Variants in ATP5MJ observed in about 807,000 individuals in gnomAD.
ATP5MJ encodes the protein ATP synthase membrane subunit j.
ATP5MJ carries 4 observed loss-of-function variants against 8.3 expected under a neutral mutation model. That is an observed-to-expected ratio of 0.48 (90% CI 0.24 to 1.11). ATP5MJ has a LOEUF of 1.11. Among genes scored for constraint, ATP5MJ ranks in the 50% least tolerant of loss-of-function variants. The pLI is 0.18. For missense variants in ATP5MJ, 66 were observed against 71.8 expected (o/e 0.92, Z 0.29); for synonymous variants, 23 against 21.3 (o/e 1.08, Z -0.23).
At chr14:103,920,982 C>T in intron 1 of ATP5MJ, 1 of 1,551,738 alleles carries the variant, frequency 6.4e-7, no homozygotes, top group Non-Finnish European at 8.7e-7. Context: ...GAGTTCCATA[C>T]AATTTCATTC....
rs979007416 is a variant in ATP5MJ at position 103,912,604 on chromosome 14, G to A, written c.*62C>T. ...ACGTTCCACGCTCCCCATCTAACAC[G>A]GCTTGCTGAAATTTACAGGCAGACT... On this transcript the variant is annotated 3_prime_UTR_variant, in exon 4 of 4. Transcript: ENST00000286953. 3.2e-6 allele frequency: 5 copies of A among 1,548,394 alleles called. No individual in the cohort carries two copies. The highest frequency in any genetic ancestry group is 1.4e-5 in the African/African-American group (1 of 73,136).
In ATP5MJ at chr14:103,913,664, T is replaced by C. The variant is rs1415331984; in HGVS notation, c.148+297A>G. On this transcript the variant is annotated intron_variant, in intron 3 of 3. Coordinates refer to ENST00000286953, the MANE Select transcript of ATP5MJ (RefSeq NM_004894.3). ...TCATTAGGGAACTTCTAGGACAGCA[T>C]GCTTGCACAGCTCACTTGTGCTTCC... 1.1e-5 allele frequency: 6 copies of C among 527,112 alleles called. No individual in the cohort carries two copies. The South Asian group carries it at 1.3e-4, about 11-fold the overall frequency. 32.7% of individuals were successfully genotyped at this position (527,112 alleles called of 1,614,324 possible). A position where few individuals can be genotyped will look rare whatever the true frequency, so the allele number is the denominator to read the frequency against.
chr14:103,913,877 A>C (rs747866991), intron 3 of ATP5MJ, 84 bp downstream of exon 3: 1 of 1,494,424 alleles, frequency 6.7e-7, no homozygotes, highest in Non-Finnish European at 9.3e-7. Flanking sequence ...TTTCGATTTC[A>C]ATTGAGAACA....
intron 3 of ATP5MJ, chr14:103,912,897 T>C: frequency 3.4e-6 from 2 of 583,632 alleles, no homozygotes; most frequent in South Asian, 4.4e-5. Context: ...AGACAGGCAG[T>C]GGTCACCCAC....
chr14:103,921,308 C>A (rs78104841), intron 1 of ATP5MJ, 162 bp downstream of exon 1: 45 of 339,210 alleles, frequency 1.3e-4, no homozygotes, highest in Non-Finnish European at 2.5e-4. Flanking sequence ...GGCAACCGAC[C>A]CTGGCCTACC....
At chr14:103,920,426 C>A (rs2087666989) in intron 1 of ATP5MJ, among the ~76,000 whole-genome samples, 1 of 150,388 alleles carries the variant, frequency 6.6e-6, no homozygotes, top group South Asian at 2.1e-4. Flanking sequence ...GCCACCGCGC[C>A]CAGCTACATA....
At chr14:103,912,769 A>C in intron 3 of ATP5MJ, 75 bp from the exon 4 acceptor site, 1 of 1,458,478 alleles carries the variant, frequency 6.9e-7, no homozygotes, top group South Asian at 1.2e-5. Flanking sequence ...TTAAACAAGT[A>C]TCAAAAGAAG....
intron 1 of ATP5MJ, among the ~76,000 whole-genome samples, chr14:103,917,547 G>A (rs968414236): frequency 6.6e-6 from 1 of 151,998 alleles, no homozygotes; most frequent in African/African-American, 2.4e-5. Flanking sequence ...GGCCTGGATG[G>A]GATTCGAGGG....
At chr14:103,920,895 A>T in intron 1 of ATP5MJ, 1 of 1,380,664 alleles carries the variant, frequency 7.2e-7, no homozygotes, top group Non-Finnish European at 1.0e-6. Context: ...GTATCCACTT[A>T]AGTCTGCAAA....
chr14:103,918,745 G>A (rs907872986), intron 1 of ATP5MJ, among the ~76,000 whole-genome samples: 3 of 152,130 alleles, frequency 2.0e-5, no homozygotes, highest in African/African-American at 7.2e-5. Flanking sequence ...AACCAAGGCC[G>A]GGAGCGGTAG....
In ATP5MJ at chr14:103,912,477, G is replaced by A. The variant is rs2087587937; in HGVS notation, c.*189C>T. 3.1e-6 allele frequency: 2 copies of A among 650,826 alleles called. No homozygotes were observed. The highest frequency in any genetic ancestry group is 2.5e-5 in the Admixed American group (1 of 39,604). 40.3% of individuals were successfully genotyped at this position (650,826 alleles called of 1,614,324 possible). On this transcript the variant is annotated 3_prime_UTR_variant, in exon 4 of 4. Coordinates refer to ENST00000286953, the MANE Select transcript of ATP5MJ (RefSeq NM_004894.3). ...AGAGTATGCCTGACACGCCGGAGGGGCTGAGGGGGAACACACTGAAAGCAG... is the reference window on the plus strand; with the variant it reads ...AGAGTATGCCTGACACGCCGGAGGGACTGAGGGGGAACACACTGAAAGCAG...
chr14:103,915,873 C>T (rs1322192659), intron 1 of ATP5MJ, among the ~76,000 whole-genome samples: 2 of 152,162 alleles, frequency 1.3e-5, no homozygotes, highest in Middle Eastern at 3.2e-3. Flanking sequence ...AGCCACTTCT[C>T]CTTCCTTACA....
intron 1 of ATP5MJ, chr14:103,917,954 G>A (rs1290824209): frequency 6.6e-6 from 1 of 152,230 alleles, no homozygotes; most frequent in Admixed American, 6.5e-5. Context: ...TCTTCCCTAT[G>A]AGAGGACTTA....
At chr14:103,916,385 T>C (rs1382821478) in intron 1 of ATP5MJ, among the ~76,000 whole-genome samples, 1 of 152,244 alleles carries the variant, frequency 6.6e-6, no homozygotes, top group Non-Finnish European at 1.5e-5. Flanking sequence ...TCCATTAAAC[T>C]ACAGTCAAAT....
chr14:103,921,403 C>A (rs2087677408), intron 1 of ATP5MJ, 67 bp downstream of exon 1: 1 of 235,346 alleles, frequency 4.2e-6, no homozygotes, highest in South Asian at 5.8e-5. Flanking sequence ...GGGGCCAAGG[C>A]GGCTTCTCGC....
chr14:103,914,377 G>A (rs1378991349), intron 2 of ATP5MJ: 1 of 538,168 alleles, frequency 1.9e-6, no homozygotes, highest in Non-Finnish European at 3.3e-6. Flanking sequence ...CAGTTGAAAA[G>A]GTGCAATGAA....
At chr14:103,919,053 C>T (rs2087649507) in intron 1 of ATP5MJ, among the ~76,000 whole-genome samples, 1 of 151,588 alleles carries the variant, frequency 6.6e-6, no homozygotes, top group African/African-American at 2.4e-5. Context: ...ACCTAAAGGA[C>T]CCAGCCTAGT....
intron 1 of ATP5MJ, among the ~76,000 whole-genome samples, chr14:103,918,637 G>C (rs1227130471): frequency 6.6e-6 from 1 of 152,084 alleles, no homozygotes; most frequent in African/African-American, 2.4e-5. Context: ...AGGGATTACA[G>C]GCGTGGGCCA....
intron 1 of ATP5MJ, among the ~76,000 whole-genome samples, chr14:103,918,441 A>C (rs1206758029): frequency 6.6e-6 from 1 of 151,854 alleles, no homozygotes; most frequent in African/African-American, 2.4e-5. Context: ...GCTCATTGCA[A>C]GCTCCGCCTC....
Sources: gnomAD v4.1 joint callset for allele counts (sites outside exome capture counted in the v4.1 genomes callset) on GRCh38, gnomAD v4.1.1 for gene constraint, MANE v1.5 for transcripts, NCBI Gene and HGNC (gene_info 2026-07-23, HGNC 2026-07-21) for gene names.